The following GSE1 variants were observed in gnomAD, a reference collection of about 807,000 sequenced individuals.
GSE1 encodes the protein Gse1 coiled-coil protein.
Under a neutral mutation model 112.6 loss-of-function variants are expected in GSE1, and 32 were observed. The observed-to-expected ratio is 0.28, with a 90% CI of 0.21 to 0.38. The LOEUF is 0.38. Among genes scored for constraint, GSE1 ranks in the 10% least tolerant of loss-of-function variants. GSE1 has a pLI of 1.00. For missense variants in GSE1, 2,348 were observed against 1,699.2 expected (o/e 1.38, Z -6.71); for synonymous variants, 1,115 against 735.6 (o/e 1.52, Z -8.35).
chr16:85,556,030 G>C, exon 1 of GSE1: 1 of 985,016 alleles, frequency 1.0e-6, no homozygotes. Flanking sequence ...AGCCGTGGAG[G>C]CTCCGGCCCG....
chr16:85,635,951 C>T (rs1486477255), intron 2 of GSE1, among the ~76,000 whole-genome samples: 1 of 152,236 alleles, frequency 6.6e-6, no homozygotes, highest in East Asian at 1.9e-4. Context: ...GCTCACAGGG[C>T]CGTCGCTTCC....
chr16:85,613,213 G>T, upstream of GSE1: 1 of 1,477,476 alleles, frequency 6.8e-7, no homozygotes, highest in Non-Finnish European at 9.0e-7. Context: ...GCGTTTGGGT[G>T]TGTCCTCGGC....
chr16:85,450,053 C>T (rs1478143386), intron 2 of GSE1, among the ~76,000 whole-genome samples: 1 of 150,910 alleles, frequency 6.6e-6, no homozygotes. Context: ...CAGCTGTCCC[C>T]ATGTAATGGG....
intron 1 of GSE1, among the ~76,000 whole-genome samples, chr16:85,306,652 G>A (rs543233969): frequency 3.3e-5 from 5 of 152,162 alleles, no homozygotes; most frequent in Non-Finnish European, 7.4e-5. Context: ...GGGTTCAAGC[G>A]ATCCTCCCAC....
At chr16:85,402,025 A>T (rs1026739159) in intron 2 of GSE1, among the ~76,000 whole-genome samples, 1 of 152,228 alleles carries the variant, frequency 6.6e-6, no homozygotes, top group African/African-American at 2.4e-5. Context: ...GGTTTTCAGA[A>T]CTGGAGCCCG....
chr16:85,463,122 C>T, intron 2 of GSE1: 1 of 984,950 alleles, frequency 1.0e-6, no homozygotes, highest in Non-Finnish European at 1.2e-6. Flanking sequence ...GCTCCAGAAC[C>T]TCAGTAAGTG....
In GSE1 at chr16:85,513,551, A is replaced by G. The variant is rs1234688872; in HGVS notation, c.2465-120363A>G. On this transcript the variant is annotated intron_variant, in intron 2 of 2. Coordinates refer to the GSE1 transcript ENST00000637419. ...CCCCTCTGCTGCTCCTCAACCTCAA[A>G]ACACATTCCCAGGCTTCACTGGGCC... 2.6e-5 allele frequency among the ~76,000 whole-genome samples: 4 copies of G among 151,932 alleles called. No homozygotes were observed. The East Asian group carries it at 7.8e-4, about 30-fold the overall frequency.
intron 2 of GSE1, among the ~76,000 whole-genome samples, chr16:85,643,496 G>A (rs1025194834): frequency 7.0e-6 from 1 of 142,082 alleles, no homozygotes; most frequent in African/African-American, 2.5e-5. Context: ...TTCCTCACCC[G>A]CGCCTCTTTC....
At chr16:85,644,857 ATT>A (rs11298953) in intron 2 of GSE1, among the ~76,000 whole-genome samples, 1 of 151,096 alleles carries the variant, frequency 6.6e-6, no homozygotes, top group African/African-American at 2.4e-5. Flanking sequence ...GTTCCATGGA[ATT>A]TTTTTTTTTA....
chr16:85,482,119 C>T (rs561798902), intron 2 of GSE1, among the ~76,000 whole-genome samples: 2 of 152,344 alleles, frequency 1.3e-5, no homozygotes, highest in East Asian at 1.9e-4. Context: ...GGGACCCAGG[C>T]GGCTGTAGGA....
At chr16:85,636,086 G>A (rs955609146) in intron 2 of GSE1, among the ~76,000 whole-genome samples, 10 of 152,248 alleles carry the variant, frequency 6.6e-5, no homozygotes, top group East Asian at 1.9e-4. Context: ...CGCCCCTGGC[G>A]GGAGGCCAGA....
rs547625970 is a variant in GSE1, at chr16:85,262,096, C to T, written c.2283+90289C>T. ...CCAGAGCCCAGACTCTTAACCACTT[C>T]ACTGGCATCTCCCCGGCGGGTGCTT... On this transcript the variant is annotated intron_variant, in intron 1 of 2. Transcript: ENST00000637419. Among the ~76,000 whole-genome samples the T allele has an allele frequency of 5.9e-5, 9 of 152,320 alleles. No individual in the cohort carries two copies. The East Asian group carries it at 1.7e-3, about 29-fold the overall frequency.
At chr16:85,345,791 C>A (rs1459007477) in intron 1 of GSE1, among the ~76,000 whole-genome samples, 4 of 152,214 alleles carry the variant, frequency 2.6e-5, no homozygotes, top group African/African-American at 9.7e-5. Flanking sequence ...GCTGCTACAT[C>A]CCAGGCACAG....
intron 1 of GSE1, among the ~76,000 whole-genome samples, chr16:85,301,360 G>C (rs981240716): frequency 6.6e-6 from 1 of 152,242 alleles, no homozygotes; most frequent in Non-Finnish European, 1.5e-5. Flanking sequence ...GAAGGCCCTG[G>C]AGTGGGTGGT....
intron 2 of GSE1, among the ~76,000 whole-genome samples, chr16:85,489,143 T>A (rs1191186707): frequency 6.6e-6 from 1 of 152,116 alleles, no homozygotes; most frequent in East Asian, 1.9e-4. Context: ...AGGAATGGAA[T>A]TTTAATTTTA....
chr16:85,625,795 T>C (rs930973255), intron 1 of GSE1, among the ~76,000 whole-genome samples: 2 of 152,136 alleles, frequency 1.3e-5, no homozygotes, highest in Admixed American at 1.3e-4. Flanking sequence ...GGGAGATGGC[T>C]CATTGCGGGT....
intron 2 of GSE1, among the ~76,000 whole-genome samples, chr16:85,643,179 G>A (rs2050582138): frequency 6.6e-6 from 1 of 152,226 alleles, no homozygotes; most frequent in Admixed American, 6.5e-5. Flanking sequence ...AGACAGCAGA[G>A]GTGACGCGGA....
At chr16:85,642,971 C>T (rs916740805) in intron 2 of GSE1, among the ~76,000 whole-genome samples, 3 of 152,152 alleles carry the variant, frequency 2.0e-5, no homozygotes, top group Admixed American at 6.5e-5. Flanking sequence ...GGCCCCCAAG[C>T]GCCTCTTAAA....
At chr16:85,397,360 G>A (rs116573436) in intron 2 of GSE1, among the ~76,000 whole-genome samples, 42 of 152,350 alleles carry the variant, frequency 2.8e-4, no homozygotes, top group African/African-American at 9.9e-4. Flanking sequence ...GTGTCTACTC[G>A]CTGATGCAGG....
Sources: allele counts gnomAD v4.1 joint callset (sites outside exome capture counted in the v4.1 genomes callset), GRCh38; gene constraint gnomAD v4.1.1; transcripts MANE v1.5; gene names NCBI Gene and HGNC (gene_info 2026-07-23, HGNC 2026-07-21).